PPM1H: variants seen among roughly 807,000 people sequenced by gnomAD.
The protein encoded by PPM1H is protein phosphatase 1H.
PPM1H carries 27 observed loss-of-function variants against 54.9 expected under a neutral mutation model. The ratio of observed to expected loss-of-function variants is 0.49; its 90% CI spans 0.36 to 0.68. PPM1H has a LOEUF of 0.68. Among genes scored for constraint, PPM1H ranks in the 30% least tolerant of loss-of-function variants. The pLI is 0.00. For missense variants in PPM1H, 596 were observed against 667.8 expected, an observed-to-expected ratio of 0.89 and a Z score of 1.19; for synonymous variants, 305 against 270.8, an observed-to-expected ratio of 1.13 and a Z score of -1.24.
intron 1 of PPM1H, among the ~76,000 whole-genome samples, chr12:62,923,951 A>AAAAG (rs144694560): frequency 1.3e-5 from 2 of 152,094 alleles, no homozygotes; most frequent in East Asian, 1.9e-4. Context: ...TCATAAAACT[A>AAAAG]TTTGATTTAA....
intron 4 of PPM1H, among the ~76,000 whole-genome samples, chr12:62,787,836 G>T (rs2076681920): frequency 6.6e-6 from 1 of 152,192 alleles, no homozygotes. Context: ...AGAGAACAGT[G>T]CAAAGTCACT....
chr12:62,767,115 C>G (rs1222843439), intron 4 of PPM1H, among the ~76,000 whole-genome samples: 1 of 152,102 alleles, frequency 6.6e-6, no homozygotes, highest in Non-Finnish European at 1.5e-5. Flanking sequence ...GGGAGGCTGA[C>G]AAGAGGGGAG....
chr12:62,843,265 C>A (rs183624452), intron 1 of PPM1H, among the ~76,000 whole-genome samples: 1 of 152,052 alleles, frequency 6.6e-6, no homozygotes, highest in South Asian at 2.1e-4. Context: ...TGCAGTGAGC[C>A]GAGATGGCGC....
chr12:62,732,700 T>C (rs1234650710), intron 5 of PPM1H, among the ~76,000 whole-genome samples: 3 of 151,520 alleles, frequency 2.0e-5, no homozygotes, highest in Admixed American at 2.0e-4. Context: ...GCCTCCCGAG[T>C]AGCTGGGACT....
intron 2 of PPM1H, among the ~76,000 whole-genome samples, chr12:62,830,342 G>A (rs1287008509): frequency 6.6e-6 from 1 of 152,076 alleles, no homozygotes; most frequent in African/African-American, 2.4e-5. Context: ...TGCAAGCTCT[G>A]CCTCCTGGGT....
chr12:62,810,902 G>T (rs2076831366), intron 2 of PPM1H, among the ~76,000 whole-genome samples: 1 of 152,206 alleles, frequency 6.6e-6, no homozygotes, highest in Admixed American at 6.5e-5. Flanking sequence ...TACATGTCTT[G>T]GAGCCTCCTT....
intron 4 of PPM1H, among the ~76,000 whole-genome samples, chr12:62,786,605 G>A (rs957891054): frequency 6.6e-6 from 1 of 152,178 alleles, no homozygotes; most frequent in Non-Finnish European, 1.5e-5. Context: ...CTGCTACAGC[G>A]TTTCCTTCCC....
chr12:62,709,099 C>T (rs1034845956), intron 6 of PPM1H, among the ~76,000 whole-genome samples: 1 of 151,142 alleles, frequency 6.6e-6, no homozygotes, highest in Non-Finnish European at 1.5e-5. Context: ...TGCTTCACTG[C>T]CCACCACTGC....
At chr12:62,850,259 G>A (rs1374365319) in intron 1 of PPM1H, among the ~76,000 whole-genome samples, 1 of 152,118 alleles carries the variant, frequency 6.6e-6, no homozygotes, top group Non-Finnish European at 1.5e-5. Flanking sequence ...GAGCCACTGT[G>A]CCTGGGCAAC....
chr12:62,749,554 C>T (rs1194199287), intron 4 of PPM1H, among the ~76,000 whole-genome samples: 2 of 152,088 alleles, frequency 1.3e-5, no homozygotes, highest in Non-Finnish European at 2.9e-5. Context: ...ACCTTACCAT[C>T]GTCAGAGGAT....
intron 3 of PPM1H, among the ~76,000 whole-genome samples, chr12:62,799,245 G>C (rs944900293): frequency 3.3e-5 from 5 of 152,158 alleles, no homozygotes; most frequent in African/African-American, 1.2e-4. Flanking sequence ...CAGTTGTTAA[G>C]AGCAACCCTG....
intron 2 of PPM1H, among the ~76,000 whole-genome samples, chr12:62,820,321 G>T (rs1000638758): frequency 1.3e-5 from 2 of 152,234 alleles, no homozygotes; most frequent in Non-Finnish European, 1.5e-5. Context: ...ACCTCTGAGG[G>T]CAGGGCGTAG....
rs1028654616 is a variant in PPM1H at position 62,647,229 on chromosome 12, G to A, written c.*1260C>T. Reference sequence around the variant, plus strand: ...AACCATAGAGGGACCTTGAGGAGCTGGGACATGATTCTTTAGAGAAGAGAA... The same window carrying A: ...AACCATAGAGGGACCTTGAGGAGCTAGGACATGATTCTTTAGAGAAGAGAA... On this transcript the variant is annotated 3_prime_UTR_variant, in exon 10 of 10. Coordinates refer to ENST00000228705, the MANE Select transcript of PPM1H (RefSeq NM_020700.2). 3 of 152,270 alleles carry A rather than the reference G, an allele frequency of 2.0e-5. No individual in the cohort carries two copies. The highest frequency in any genetic ancestry group is 4.4e-5 in the Non-Finnish European group (3 of 68,088). 9.4% of individuals were successfully genotyped at this position (152,270 alleles called of 1,614,324 possible).
chr12:62,886,247 A>G, intron 1 of PPM1H, among the ~76,000 whole-genome samples: 1 of 152,200 alleles, frequency 6.6e-6, no homozygotes, highest in East Asian at 1.9e-4. Context: ...CATCAGACAC[A>G]TGTGCACACA....
chr12:62,691,744 T>C (rs1401509724), intron 7 of PPM1H, among the ~76,000 whole-genome samples: 1 of 149,998 alleles, frequency 6.7e-6, no homozygotes, highest in Non-Finnish European at 1.5e-5. Context: ...GATCACCTGA[T>C]CCTGGGATGT....
chr12:62,909,940 A>C lies in PPM1H; in HGVS notation c.245+24552T>G, dbSNP rs192042168. On this transcript the variant is annotated intron_variant, in intron 1 of 9. Coordinates refer to ENST00000228705, the MANE Select transcript of PPM1H (RefSeq NM_020700.2). The stretch of plus-strand genomic sequence containing the variant: ...GAAGAATGACATAATTATAATACCA[A>C]CTATTGTGCTGAAGATTACGGAGGT... 1.3e-3 allele frequency among the ~76,000 whole-genome samples: 193 copies of C among 152,360 alleles called. 1 individual carries two copies. Among genetic ancestry groups the C allele is most frequent in the Non-Finnish European group, 4.7e-4 (32 of 68,046 alleles).
intron 4 of PPM1H, among the ~76,000 whole-genome samples, chr12:62,759,812 G>A (rs940258753): frequency 6.7e-6 from 1 of 150,286 alleles, no homozygotes; most frequent in Non-Finnish European, 1.5e-5. Flanking sequence ...TTCCTGGGGG[G>A]CAAGCACCTC....
chr12:62,687,078 A>T (rs2076057603), intron 8 of PPM1H, among the ~76,000 whole-genome samples: 1 of 152,222 alleles, frequency 6.6e-6, no homozygotes, highest in Admixed American at 6.5e-5. Context: ...AGAGTGAGAA[A>T]CTGGGCTGAT....
intron 4 of PPM1H, among the ~76,000 whole-genome samples, chr12:62,738,459 A>G (rs1399120431): frequency 1.3e-5 from 2 of 152,150 alleles, no homozygotes; most frequent in African/African-American, 4.8e-5. Flanking sequence ...AGGACTTTTG[A>G]GGGAACGGCG....
Sources: gnomAD v4.1 joint callset for allele counts (sites outside exome capture counted in the v4.1 genomes callset) on GRCh38, gnomAD v4.1.1 for gene constraint, MANE v1.5 for transcripts, NCBI Gene and HGNC (gene_info 2026-07-23, HGNC 2026-07-21) for gene names.